AFF1: variants seen among roughly 807,000 people sequenced by gnomAD.
AFF1 encodes the protein ALF transcription elongation factor 1.
A neutral mutation model predicts 121.7 loss-of-function variants in AFF1; 48 were observed. The observed-to-expected ratio is 0.39, with a 90% CI of 0.31 to 0.50. The LOEUF (loss-of-function observed/expected upper bound fraction) is 0.50. Ranked by LOEUF, AFF1 falls within the 20% of genes least tolerant of loss-of-function variation. AFF1 has a pLI of 0.76. For synonymous variants in AFF1, 613 were observed against 563.0 expected (o/e 1.09, Z -1.26); for missense variants, 1,523 against 1,511.7 (o/e 1.01, Z -0.12).
chr4:87,114,448 C>T lies in AFF1; in HGVS notation c.1615C>T (p.Pro539Ser), dbSNP rs1666360547. ...CCAGCCAGCTGCGCCACCAGAGGGC[C>T]CCAGGAGCACAGAGCCCCCACGGCG... ...VSQPAAPPEGPRSTEPPRRHP... is the reference protein window; with the variant it reads ...VSQPAAPPEGSRSTEPPRRHP... Residue 539 changes from proline to serine, a missense_variant, in exon 12 of 21, where the codon CCC (proline) becomes TCC (serine). Coordinates refer to ENST00000395146, the MANE Select transcript of AFF1 (RefSeq NM_001166693.3). 1 of 1,613,628 alleles carries T rather than the reference C, an allele frequency of 6.2e-7. No individual in the cohort carries two copies. Among genetic ancestry groups the T allele is most frequent in the Admixed American group, 1.7e-5 (1 of 60,014 alleles).
chr4:86,945,546 T>C (rs886742299), intron 1 of AFF1, among the ~76,000 whole-genome samples: 10 of 141,924 alleles, frequency 7.0e-5, no homozygotes, highest in African/African-American at 2.7e-4. Context: ...TTACCCAGGC[T>C]GCAGTGCAGT....
chr4:87,054,759 A>G (rs1033478901), intron 4 of AFF1, among the ~76,000 whole-genome samples: 7 of 152,218 alleles, frequency 4.6e-5, no homozygotes, highest in South Asian at 4.1e-4. Context: ...ACCTGAAAAG[A>G]TCTAAATATA....
At chr4:87,107,159 GT>G (rs1348896145) in intron 10 of AFF1, among the ~76,000 whole-genome samples, 1 of 152,136 alleles carries the variant, frequency 6.6e-6, no homozygotes, top group Non-Finnish European at 1.5e-5. Flanking sequence ...TATCGTGTGT[GT>G]TTTAAAGTTA....
intron 4 of AFF1, among the ~76,000 whole-genome samples, chr4:87,077,575 C>T (rs908217798): frequency 1.3e-5 from 2 of 151,822 alleles, no homozygotes; most frequent in Non-Finnish European, 2.9e-5. Context: ...CTATTCCTTC[C>T]CCCAGCCTCC....
intron 1 of AFF1, among the ~76,000 whole-genome samples, chr4:86,938,895 A>AT (rs1422371345): frequency 6.6e-6 from 1 of 152,142 alleles, no homozygotes; most frequent in Non-Finnish European, 1.5e-5. Flanking sequence ...AAATCAGCTG[A>AT]TTTTCTTAAA....
At chr4:86,993,919 C>T (rs981143489) in intron 2 of AFF1, among the ~76,000 whole-genome samples, 9 of 152,046 alleles carry the variant, frequency 5.9e-5, no homozygotes, top group African/African-American at 4.8e-5. Context: ...GAGCTGAGAT[C>T]GTGCCATTTC....
At chr4:87,002,204 T>TA (rs1725780662) in intron 2 of AFF1, among the ~76,000 whole-genome samples, 1 of 151,066 alleles carries the variant, frequency 6.6e-6, no homozygotes, top group South Asian at 2.1e-4. Context: ...GTGATCCCCC[T>TA]GCCTTAGCCT....
At chr4:86,985,193 AT>A (rs1724130631) in intron 2 of AFF1, among the ~76,000 whole-genome samples, 1 of 107,438 alleles carries the variant, frequency 9.3e-6, no homozygotes, top group Non-Finnish European at 2.0e-5. Flanking sequence ...ATATATATAT[AT>A]ATATATATAT....
chr4:87,135,649 A>C lies in AFF1; in HGVS notation c.3605A>C (p.His1202Pro). 1 of 1,613,122 alleles carries C rather than the reference A, an allele frequency of 6.2e-7. No individual in the cohort carries two copies. Among genetic ancestry groups the C allele is most frequent in the Non-Finnish European group, 8.5e-7 (1 of 1,179,522 alleles). The change falls in exon 21 of 21, where the codon CAC (histidine) becomes CCC (proline). Residue 1202 changes from histidine to proline, a missense_variant. This residue lies in a region of AFF1 where 241 missense variants were observed against 265.2 expected (regional missense o/e 0.91). Coordinates refer to ENST00000395146, the MANE Select transcript of AFF1 (RefSeq NM_001166693.3). ...AACAGCAGTTTGGTGGACCTGGTGC[A>C]CTATACACGACAGGGTTTTCAGCAG... The part of the protein sequence containing the change: ...ALNSSLVDLV[H>P]YTRQGFQQLQ...
At chr4:86,946,361 T>A (rs1237455017) in intron 1 of AFF1, among the ~76,000 whole-genome samples, 2 of 152,144 alleles carry the variant, frequency 1.3e-5, no homozygotes, top group African/African-American at 4.8e-5. Flanking sequence ...CTTCACTATA[T>A]TTTTTATGTT....
chr4:87,070,119 T>C (rs1377377163), intron 4 of AFF1, among the ~76,000 whole-genome samples: 1 of 152,250 alleles, frequency 6.6e-6, no homozygotes, highest in Non-Finnish European at 1.5e-5. Flanking sequence ...TTGTCCTGCG[T>C]CAGCCTCCTG....
intron 2 of AFF1, among the ~76,000 whole-genome samples, chr4:87,025,341 A>G (rs761254254): frequency 8.5e-5 from 13 of 152,230 alleles, no homozygotes; most frequent in Non-Finnish European, 1.5e-4. Context: ...TACAATTCTC[A>G]TCTCTATTTT....
At chr4:86,947,465 CAG>C (rs1466275806) in intron 1 of AFF1, among the ~76,000 whole-genome samples, 3 of 152,186 alleles carry the variant, frequency 2.0e-5, no homozygotes, top group African/African-American at 7.2e-5. Context: ...GCCTCTTAAA[CAG>C]AGGCAAGTTA....
rs569577993 is a variant in AFF1, at chr4:87,063,228, CTTTTTTTT to C, written c.1059+15655_1059+15662del. On this transcript the variant is annotated intron_variant, in intron 4 of 20. Coordinates refer to ENST00000395146, the MANE Select transcript of AFF1 (RefSeq NM_001166693.3). ...ATGTATAAGCATAGTAGATTCACCTCTTTTTTTTTTTTTTTTTTTTTTTTTTTTGAGAC... is the reference window on the plus strand; with the variant it reads ...ATGTATAAGCATAGTAGATTCACCTCTTTTTTTTTTTTTTTTTTTTGAGAC... 3.7e-3 allele frequency among the ~76,000 whole-genome samples: 165 copies of C among 44,430 alleles called. 2 individuals carry two copies. The highest frequency in any genetic ancestry group is 5.8e-3 in the African/African-American group (73 of 12,676). 29.1% of individuals were successfully genotyped at this position (44,430 alleles called of 152,430 possible).
intron 4 of AFF1, among the ~76,000 whole-genome samples, chr4:87,081,152 A>ATTTTTTTTTTTTTTT (rs549510832): frequency 2.2e-5 from 2 of 89,722 alleles, no homozygotes; most frequent in African/African-American, 8.8e-5. Flanking sequence ...AATGAAATGA[A>ATTTTTTTTTTTTTTT]TTTTTTTTTT....
At chr4:87,108,397 A>G in intron 11 of AFF1, 82 bp downstream of exon 11, 1 of 1,472,682 alleles carries the variant, frequency 6.8e-7, no homozygotes. Flanking sequence ...GTGGGCCAGG[A>G]CTGACCATGA....
At chr4:86,995,284 CCCT>C (rs1725040135) in intron 2 of AFF1, among the ~76,000 whole-genome samples, 1 of 49,236 alleles carries the variant, frequency 2.0e-5, no homozygotes, top group Non-Finnish European at 5.0e-5. Flanking sequence ...CTCCCCCTCT[CCCT>C]CCCCCTCTCC....
chr4:86,984,398 G>C (rs1166107724), intron 2 of AFF1, among the ~76,000 whole-genome samples: 1 of 148,776 alleles, frequency 6.7e-6, no homozygotes, highest in Non-Finnish European at 1.5e-5. Flanking sequence ...TGCAATCTCA[G>C]CTCACGCAAC....
At chr4:87,134,339 C>T (rs943591190) in intron 19 of AFF1, 132 bp from the exon 20 acceptor site, 3 of 815,724 alleles carry the variant, frequency 3.7e-6, no homozygotes, top group African/African-American at 1.7e-5. Flanking sequence ...GTGACTTTAG[C>T]AGTGGTTATC....
Sources: gnomAD v4.1 joint callset for allele counts (sites outside exome capture counted in the v4.1 genomes callset) on GRCh38, gnomAD v4.1.1 for gene constraint, gnomAD v4.1.1 regional missense constraint, MANE v1.5 for transcripts, NCBI Gene and HGNC (gene_info 2026-07-23, HGNC 2026-07-21) for gene names.